Variants in C5orf58 observed in about 807,000 individuals in gnomAD.
C5orf58 encodes putative uncharacterized protein C5orf58.
C5orf58 carries 2 observed loss-of-function variants against 2.9 expected under a neutral mutation model. That is an observed-to-expected ratio of 0.69 (90% CI 0.28 to 2.18). The LOEUF (loss-of-function observed/expected upper bound fraction) is 2.18, where lower values mean the gene tolerates loss of function less well. Ranked by LOEUF, C5orf58 falls within the 30% of genes most tolerant of loss-of-function variation. C5orf58 has a pLI of 0.13. For missense variants in C5orf58, 96 were observed against 91.7 expected, an observed-to-expected ratio of 1.05 and a Z score of -0.19; for synonymous variants, 37 against 33.4, an observed-to-expected ratio of 1.11 and a Z score of -0.37.
rs1275411980 is a variant in C5orf58, at chr5:170,246,101, T to C, written c.234T>C (p.Ser78=). 1 of 1,608,858 alleles carries C rather than the reference T, an allele frequency of 6.2e-7. No homozygotes were observed. Among genetic ancestry groups the C allele is most frequent in the South Asian group, 1.1e-5 (1 of 90,036 alleles). Residue 78 remains serine, a synonymous_variant, in exon 4 of 4, where the codon AGT becomes AGC. Transcript: ENST00000593851. The stretch of plus-strand genomic sequence containing the variant: ...CAGATGTATCCCTTGTTTCTAACAG[T>C]TTTTCTATCTGATTTCTTATTTGTT... ...KISDVSLVSN[S]FSI
intron 3 of C5orf58, among the ~76,000 whole-genome samples, chr5:170,238,232 A>C (rs1760824586): frequency 6.6e-6 from 1 of 152,194 alleles, no homozygotes; most frequent in African/African-American, 2.4e-5. Flanking sequence ...AAATTTCAAG[A>C]AATTATTAAT....
chr5:170,250,708 T>C (rs1404646401), downstream of C5orf58: 2 of 1,604,824 alleles, frequency 1.2e-6, no homozygotes, highest in Admixed American at 3.3e-5. Flanking sequence ...TTTGGGAAAA[T>C]GTCGAAATTT....
exon 3 of C5orf58, chr5:170,252,198 T>A (rs1761460168): frequency 2.9e-6 from 1 of 350,306 alleles, no homozygotes; most frequent in South Asian, 6.4e-5. Flanking sequence ...CCTAAGATGC[T>A]GCCAACCAAA....
At chr5:170,243,190 A>T (rs1297220535) in intron 3 of C5orf58, among the ~76,000 whole-genome samples, 1 of 149,930 alleles carries the variant, frequency 6.7e-6, no homozygotes. Flanking sequence ...GGAGAGCTTT[A>T]CTTCCAAGTA....
chr5:170,237,723 G>A (rs971611106), intron 3 of C5orf58, among the ~76,000 whole-genome samples: 7 of 152,114 alleles, frequency 4.6e-5, no homozygotes, highest in Non-Finnish European at 5.9e-5. Flanking sequence ...GATCCCTGAG[G>A]TCTCTTCTGC....
At chr5:170,244,651 T>C (rs1761173607) in intron 3 of C5orf58, among the ~76,000 whole-genome samples, 1 of 151,592 alleles carries the variant, frequency 6.6e-6, no homozygotes, top group Non-Finnish European at 1.5e-5. Flanking sequence ...AGCACTTCTC[T>C]GTATTGGTTA....
At chr5:170,246,917 G>A (rs1761311887), downstream of C5orf58, 1 of 152,214 alleles carries the variant, frequency 6.6e-6, no homozygotes, top group African/African-American at 2.4e-5. Flanking sequence ...TTCAGTCATA[G>A]CCATGGAACA....
chr5:170,235,111 T>C (rs1320655672), intron 3 of C5orf58, 41 bp downstream of exon 3: 6 of 1,064,660 alleles, frequency 5.6e-6, no homozygotes, highest in Non-Finnish European at 8.3e-6. Context: ...GTCATTGTTA[T>C]AAAATAAATG....
downstream of C5orf58, chr5:170,248,522 T>C (rs959774897): frequency 1.5e-5 from 10 of 647,206 alleles, no homozygotes; most frequent in Non-Finnish European, 2.4e-5. Context: ...AAATAAATTA[T>C]GGGATAGTTG....
intron 3 of C5orf58, among the ~76,000 whole-genome samples, chr5:170,242,522 G>A (rs1365627675): frequency 2.5e-5 from 3 of 119,294 alleles, no homozygotes; most frequent in East Asian, 2.3e-4. Context: ...TGTATGTGTC[G>A]AGGAATTTAT....
intron 1 of C5orf58, 127 bp from the exon 2 acceptor site, chr5:170,233,988 C>A: frequency 2.3e-6 from 1 of 427,512 alleles, no homozygotes; most frequent in Non-Finnish European, 4.4e-6. Context: ...AAAATATCAT[C>A]TTTCTTTTTC....
intron 3 of C5orf58, among the ~76,000 whole-genome samples, chr5:170,236,470 C>T (rs1000698290): frequency 6.6e-6 from 1 of 152,188 alleles, no homozygotes; most frequent in Non-Finnish European, 1.5e-5. Context: ...TTTAATTCAT[C>T]ATTTCTCAAA....
chr5:170,240,261 C>T (rs1760936887), intron 3 of C5orf58, among the ~76,000 whole-genome samples: 1 of 148,976 alleles, frequency 6.7e-6, no homozygotes, highest in African/African-American at 2.5e-5. Flanking sequence ...TTTATAGCAG[C>T]ATGATTTATA....
chr5:170,245,069 G>GC (rs916085758), intron 3 of C5orf58, among the ~76,000 whole-genome samples: 11 of 152,054 alleles, frequency 7.2e-5, no homozygotes, highest in Non-Finnish European at 1.2e-4. Flanking sequence ...CCTGCTGGGG[G>GC]GTGCCTCCCA....
chr5:170,245,488 T>G (rs1286229872), intron 3 of C5orf58, among the ~76,000 whole-genome samples: 1 of 152,228 alleles, frequency 6.6e-6, no homozygotes, highest in Non-Finnish European at 1.5e-5. Context: ...CGCCGTTTTT[T>G]AAGCCGGTCT....
chr5:170,249,272 C>T (rs1761370290), downstream of C5orf58, among the ~76,000 whole-genome samples: 1 of 151,516 alleles, frequency 6.6e-6, no homozygotes, highest in Non-Finnish European at 1.5e-5. Context: ...TTGCAGTGAG[C>T]CGAGATTGCG....
intron 2 of C5orf58, 103 bp from the exon 3 acceptor site, chr5:170,234,870 ATTAT>A: frequency 1.9e-6 from 1 of 535,722 alleles, no homozygotes; most frequent in South Asian, 2.8e-5. Context: ...TTGTTTCATA[ATTAT>A]TTCTGAAATA....
chr5:170,239,520 G>C (rs1337862841), intron 3 of C5orf58, among the ~76,000 whole-genome samples: 4 of 150,858 alleles, frequency 2.7e-5, no homozygotes, highest in Non-Finnish European at 5.9e-5. Flanking sequence ...CAAAAACAAA[G>C]TGAGCTATAA....
Position 170,234,212 on chromosome 5 carries a change from C to T in C5orf58, c.-1+14C>T. On this transcript the variant is annotated intron_variant, in intron 2 of 3. Coordinates refer to ENST00000593851, the MANE Select transcript of C5orf58 (RefSeq NM_001102609.3). ...ATTGACTTAAAGGTTAGTTTGTTTTCATTATTTTGGACAAGCAGCTTGACC... is the reference window on the plus strand; with the variant it reads ...ATTGACTTAAAGGTTAGTTTGTTTTTATTATTTTGGACAAGCAGCTTGACC... 7.3e-7 allele frequency: 1 copy of T among 1,362,082 alleles called. No individual in the cohort carries two copies. The highest frequency in any genetic ancestry group is 9.8e-7 in the Non-Finnish European group (1 of 1,016,808). The allele number at this position is 1,362,082 out of a possible 1,614,324, so 84.4% of individuals were successfully genotyped here.
Sources: allele counts gnomAD v4.1 joint callset (sites outside exome capture counted in the v4.1 genomes callset), GRCh38; gene constraint gnomAD v4.1.1; transcripts MANE v1.5; gene names NCBI Gene and HGNC (gene_info 2026-07-23, HGNC 2026-07-21).